Variants in MMP7 observed in about 807,000 individuals in gnomAD.
MMP7 encodes the protein matrix metallopeptidase 7, also known as matrilysin.
Under a neutral mutation model 31.5 loss-of-function variants are expected in MMP7, and 26 were observed. The ratio of observed to expected loss-of-function variants is 0.83; its 90% CI spans 0.61 to 1.15. The LOEUF (loss-of-function observed/expected upper bound fraction) is 1.15. Among genes scored for constraint, MMP7 ranks in the 50% most tolerant of loss-of-function variants. The pLI is 0.00. For missense variants in MMP7, 367 were observed against 326.5 expected, an observed-to-expected ratio of 1.12 and a Z score of -0.96; for synonymous variants, 142 against 124.2, an observed-to-expected ratio of 1.14 and a Z score of -0.95.
chr11:102,527,896 A>T lies in MMP7; in HGVS notation c.196T>A (p.Phe66Ile). 6.2e-7 allele frequency: 1 copy of T among 1,614,164 alleles called. No individual in the cohort carries two copies. Among genetic ancestry groups the T allele is most frequent in the Non-Finnish European group, 8.5e-7 (1 of 1,180,008 alleles). ...AACATTCCAGTTATAGGTAGGCCAA[A>T]GAATTTTTGCATCTCCTTGAGTTTG... ...EAKLKEMQKF[F>I]GLPITGMLNS... The change falls in exon 2 of 6, where the codon TTT becomes ATT. Residue 66 changes from phenylalanine to isoleucine, a missense_variant. Physicochemically the swap from Phe to Ile is conservative, Grantham distance 21. Transcript: ENST00000260227.
intron 3 of MMP7, among the ~76,000 whole-genome samples, chr11:102,525,815 A>G (rs1002975782): frequency 6.7e-6 from 1 of 148,244 alleles, no homozygotes; most frequent in African/African-American, 2.5e-5. Context: ...TGGGCATAGT[A>G]AATAGTCTCT....
intron 5 of MMP7, among the ~76,000 whole-genome samples, chr11:102,522,545 A>T (rs912235047): frequency 1.3e-5 from 2 of 152,202 alleles, no homozygotes; most frequent in African/African-American, 2.4e-5. Context: ...CAGTCACATG[A>T]CCTTGGACAG....
intron 1 of MMP7, 124 bp from the exon 2 acceptor site, chr11:102,528,107 A>C (rs1237440389): frequency 8.4e-6 from 6 of 718,228 alleles, no homozygotes; most frequent in Non-Finnish European, 1.3e-5. Flanking sequence ...CAGAATAATT[A>C]CATAGTCACA....
rs1025434089 is a variant in MMP7, at chr11:102,520,659, TA to T, written c.*116del. 5 of 799,008 alleles carry T rather than the reference TA, an allele frequency of 6.3e-6. No individual in the cohort carries two copies. Among genetic ancestry groups the T allele is most frequent in the South Asian group, 1.9e-5 (1 of 52,498 alleles). 49.5% of individuals were successfully genotyped at this position (799,008 alleles called of 1,614,324 possible). A position where few individuals can be genotyped will look rare whatever the true frequency, so the allele number is the denominator to read the frequency against. On this transcript the variant is annotated 3_prime_UTR_variant, in exon 6 of 6. Transcript: ENST00000260227. The stretch of plus-strand genomic sequence containing the variant: ...AAAGACATTCAAAAACCAACTGCAA[TA>T]AAAAAGGGTGACATAATTGCTAAAT...
At chr11:102,528,958 C>T (rs982628527) in intron 1 of MMP7, among the ~76,000 whole-genome samples, 1 of 152,192 alleles carries the variant, frequency 6.6e-6, no homozygotes, top group African/African-American at 2.4e-5. Flanking sequence ...TGAAGAAACA[C>T]AGCTCAGAGA....
At chr11:102,529,511 TTAGGTGGAACCATATAAAAC>T (rs1397596381) in intron 1 of MMP7, among the ~76,000 whole-genome samples, 1 of 152,204 alleles carries the variant, frequency 6.6e-6, no homozygotes, top group Non-Finnish European at 1.5e-5. Context: ...GGAGAATTCA[TTAGGTGGAACCATATAAAAC>T]TACTGTTTTG....
chr11:102,523,464 T>C (rs1591591933), intron 4 of MMP7, 63 bp from the exon 5 acceptor site: 3 of 1,244,416 alleles, frequency 2.4e-6, no homozygotes, highest in Non-Finnish European at 3.2e-6. Context: ...TGTAATATTA[T>C]ATATATGATA....
At chr11:102,530,409 C>T in intron 1 of MMP7, among the ~76,000 whole-genome samples, 184 bp downstream of exon 1, 1 of 152,210 alleles carries the variant, frequency 6.6e-6, no homozygotes, top group East Asian at 1.9e-4. Flanking sequence ...CCGATTTGAG[C>T]AGATTCTGAA....
chr11:102,527,647 G>C lies in MMP7; in HGVS notation c.361C>G (p.Pro121Ala). Residue 121 changes from proline (P) to alanine (A), a missense_variant, in exon 3 of 6, where the codon CCG becomes GCG. Physicochemically the swap from Pro to Ala is conservative, Grantham distance 27. Coordinates refer to ENST00000260227, the MANE Select transcript of MMP7 (RefSeq NM_002423.5). ...ACTAATCGATCCACTGTAATATGCG[G>C]TAAGTCTCGAGTATATGATACGATC... ...YRIVSYTRDL[P>A]HITVDRLVSK... 1 of 1,614,110 alleles carries C rather than the reference G, an allele frequency of 6.2e-7. No homozygotes were observed. Among genetic ancestry groups the C allele is most frequent in the Non-Finnish European group, 8.5e-7 (1 of 1,180,004 alleles).
intron 4 of MMP7, among the ~76,000 whole-genome samples, chr11:102,523,925 A>C (rs1858640731): frequency 6.6e-6 from 1 of 152,228 alleles, no homozygotes; most frequent in Admixed American, 6.5e-5. Flanking sequence ...GGTGGCTTTG[A>C]GAAAGCGAAG....
chr11:102,530,463 A>T (rs1591594357), intron 1 of MMP7, 130 bp downstream of exon 1: 1 of 736,282 alleles, frequency 1.4e-6, no homozygotes, highest in East Asian at 2.9e-5. Flanking sequence ...TATTGCTTTT[A>T]TAATCCGAAG....
At chr11:102,526,648 C>G (rs1858675929) in intron 3 of MMP7, among the ~76,000 whole-genome samples, 1 of 152,092 alleles carries the variant, frequency 6.6e-6, no homozygotes, top group Non-Finnish European at 1.5e-5. Flanking sequence ...ACTCTTGAGG[C>G]CTTTGGAAGC....
chr11:102,525,859 T>G lies in MMP7; in HGVS notation c.485-795A>C, dbSNP rs573618579. 2.0e-5 allele frequency among the ~76,000 whole-genome samples: 3 copies of G among 151,878 alleles called. No homozygotes were observed. The South Asian group carries it at 6.2e-4, about 32-fold the overall frequency. The stretch of plus-strand genomic sequence containing the variant: ...CATGCTCAAGATCTCTTAAAATGGC[T>G]TTTTATAGTCCTTTAATGTGTGATG... On this transcript the variant is annotated intron_variant, in intron 3 of 5. Coordinates refer to ENST00000260227, the MANE Select transcript of MMP7 (RefSeq NM_002423.5).
chr11:102,526,272 C>G (rs147543852), intron 3 of MMP7, among the ~76,000 whole-genome samples: 198 of 146,424 alleles, frequency 1.4e-3, no homozygotes, highest in African/African-American at 4.8e-3. Flanking sequence ...CATAGTCTTG[C>G]TCTGTTGCCC....
intron 5 of MMP7, among the ~76,000 whole-genome samples, chr11:102,521,111 A>AT (rs1383483856): frequency 6.6e-6 from 1 of 152,224 alleles, no homozygotes; most frequent in Non-Finnish European, 1.5e-5. Flanking sequence ...TAAAATGTGG[A>AT]TAATAATGTC....
At chr11:102,523,187 C>T (rs1287752943) in intron 5 of MMP7, 53 bp downstream of exon 5, 3 of 1,407,286 alleles carry the variant, frequency 2.1e-6, no homozygotes, top group African/African-American at 2.9e-5. Flanking sequence ...CTTTTCCTAC[C>T]CCACTCTAAA....
intron 5 of MMP7, among the ~76,000 whole-genome samples, chr11:102,522,185 G>A (rs887123354): frequency 1.3e-5 from 2 of 152,222 alleles, no homozygotes; most frequent in African/African-American, 2.4e-5. Context: ...TGAGAATACA[G>A]TTTGGGACAT....
chr11:102,529,380 C>G (rs1299196451), intron 1 of MMP7, among the ~76,000 whole-genome samples: 2 of 152,180 alleles, frequency 1.3e-5, no homozygotes, highest in Non-Finnish European at 2.9e-5. Flanking sequence ...AATCTCTCTG[C>G]TTTGTTGAGA....
Position 102,523,389 on chromosome 11 carries a change from A to G in MMP7, c.626T>C (p.Leu209Pro), listed in dbSNP as rs1858635274. The change falls in exon 5 of 6, where the codon CTG (leucine) becomes CCG (proline). Residue 209 changes from leucine (L) to proline (P), a missense_variant. Transcript: ENST00000260227. The part of the protein sequence containing the change: ...TDGSSLGINF[L>P]YAATHELGHS... ...GCCAAGTTCATGAGTTGCAGCATAC[A>G]GGAAGTTAATCCCTACAACCGAAGA... The G allele has an allele frequency of 6.2e-7, 1 of 1,604,548 alleles. No homozygotes were observed. The highest frequency in any genetic ancestry group is 2.2e-5 in the East Asian group (1 of 44,806).
Sources: gnomAD v4.1 joint callset for allele counts (sites outside exome capture counted in the v4.1 genomes callset) on GRCh38, gnomAD v4.1.1 for gene constraint, MANE v1.5 for transcripts, NCBI Gene and HGNC (gene_info 2026-07-23, HGNC 2026-07-21) for gene names.